RANBP2: variants seen among roughly 807,000 people sequenced by gnomAD.
RANBP2 encodes E3 SUMO-protein ligase RanBP2.
In RANBP2, 57 loss-of-function variants were observed where a neutral mutation model predicts 303.6. The ratio of observed to expected loss-of-function variants is 0.19; its 90% CI spans 0.15 to 0.23. RANBP2 has a LOEUF of 0.23. Ranked by LOEUF, RANBP2 falls within the 10% of genes least tolerant of loss-of-function variation. The pLI, the probability that RANBP2 is intolerant of heterozygous loss-of-function variation, is 1.00. For synonymous variants in RANBP2, 1,167 were observed against 1,301.5 expected (o/e 0.90, Z 2.23); for missense variants, 3,138 against 3,780.8 (o/e 0.83, Z 4.46).
At chr2:109,297,695 C>G in the RANBP2 span, among the ~76,000 whole-genome samples, 1 of 151,450 alleles carries the variant, frequency 6.6e-6, no homozygotes, top group African/African-American at 2.4e-5. Context: ...CCAATGCCCC[C>G]CATTCTGCCC....
chr2:109,165,920 T>G, the RANBP2 span, among the ~76,000 whole-genome samples: 2 of 152,228 alleles, frequency 1.3e-5, no homozygotes, highest in Non-Finnish European at 2.9e-5. Context: ...ACATGGGTGG[T>G]CACTAGTTTT....
At chr2:109,103,950 C>G in the RANBP2 span, among the ~76,000 whole-genome samples, 1 of 151,910 alleles carries the variant, frequency 6.6e-6, no homozygotes, top group East Asian at 1.9e-4. Flanking sequence ...CCCGCCACCA[C>G]ACCCAGCTGA....
At chr2:109,488,815 C>T in the RANBP2 span, among the ~76,000 whole-genome samples, 2 of 152,216 alleles carry the variant, frequency 1.3e-5, no homozygotes, top group East Asian at 1.9e-4. Context: ...ACCTCCAGGG[C>T]CTGGCACGGT....
At chr2:108,809,410 T>A in the RANBP2 span, among the ~76,000 whole-genome samples, 1,893 of 152,068 alleles carry the variant, frequency 0.012, 38 homozygotes, top group African/African-American at 0.044. Context: ...TTGGTTATTT[T>A]GACAGTATTA....
At chr2:109,326,261 C>T in the RANBP2 span, among the ~76,000 whole-genome samples, 2 of 152,162 alleles carry the variant, frequency 1.3e-5, no homozygotes, top group Non-Finnish European at 2.9e-5. Flanking sequence ...ATAGATGTCG[C>T]TCATTTGTTT....
chr2:109,167,189 G>A, the RANBP2 span, among the ~76,000 whole-genome samples: 1,011 of 152,238 alleles, frequency 6.6e-3, 11 homozygotes, highest in African/African-American at 0.023. Flanking sequence ...CCAGAACCAG[G>A]ATAGCCATAT....
At chr2:109,440,957 T>G in the RANBP2 span, among the ~76,000 whole-genome samples, 1 of 152,038 alleles carries the variant, frequency 6.6e-6, no homozygotes, top group African/African-American at 2.4e-5. Context: ...ACGGAAAAAT[T>G]GCAGAAATCA....
At chr2:109,106,954 T>A in the RANBP2 span, among the ~76,000 whole-genome samples, 8 of 148,672 alleles carry the variant, frequency 5.4e-5, no homozygotes, top group South Asian at 1.7e-3. Flanking sequence ...TTTTTTTTTT[T>A]AAAGACAGAG....
At chr2:109,544,372 A>C in the RANBP2 span, 2 of 1,553,840 alleles carry the variant, frequency 1.3e-6, no homozygotes, top group Non-Finnish European at 1.7e-6. Context: ...AAAAAAATTC[A>C]AGTAAAAATT....
chr2:109,020,540 T>C, the RANBP2 span, among the ~76,000 whole-genome samples: 1 of 152,108 alleles, frequency 6.6e-6, no homozygotes, highest in Non-Finnish European at 1.5e-5. Flanking sequence ...CTGCCCCAGA[T>C]GGAAGAGAGA....
the RANBP2 span, among the ~76,000 whole-genome samples, chr2:109,410,650 A>G: frequency 3.3e-5 from 5 of 152,242 alleles, no homozygotes; most frequent in African/African-American, 7.2e-5. Context: ...GAACTGGGCC[A>G]CTGCATGTCA....
chr2:109,300,676 A>G, the RANBP2 span, among the ~76,000 whole-genome samples: 2 of 151,966 alleles, frequency 1.3e-5, no homozygotes, highest in Admixed American at 6.6e-5. Context: ...TCTCCATCCA[A>G]CCACCTTCCT....
chr2:108,731,600 T>A (rs1695174093), intron 4 of RANBP2, 126 bp downstream of exon 4: 1 of 1,549,508 alleles, frequency 6.5e-7, no homozygotes, highest in Admixed American at 2.0e-5. Context: ...AAATTTTCTT[T>A]TAAAAAGTGT....
the RANBP2 span, among the ~76,000 whole-genome samples, chr2:109,699,026 G>A: frequency 7.2e-5 from 11 of 152,136 alleles, no homozygotes; most frequent in African/African-American, 1.9e-4. Flanking sequence ...GGTGTAAGGC[G>A]GCCTTTGTTC....
the RANBP2 span, chr2:108,895,150 C>G: frequency 6.5e-6 from 1 of 152,744 alleles, no homozygotes; most frequent in East Asian, 1.9e-4. Flanking sequence ...CAGCAGCAAA[C>G]AGACACAGTA....
chr2:109,312,963 C>G, the RANBP2 span, among the ~76,000 whole-genome samples: 2 of 152,104 alleles, frequency 1.3e-5, no homozygotes, highest in Non-Finnish European at 2.9e-5. Flanking sequence ...CACAGCAGCC[C>G]TTGGATTTCA....
chr2:109,552,855 A>AT, the RANBP2 span: 3 of 441,762 alleles, frequency 6.8e-6, no homozygotes, highest in Non-Finnish European at 1.2e-5. Flanking sequence ...AAGAATTTCA[A>AT]CGATTAGTGA....
At chr2:108,721,489 T>G (rs1694241439) in intron 1 of RANBP2, among the ~76,000 whole-genome samples, 2 of 152,190 alleles carry the variant, frequency 1.3e-5, no homozygotes, top group Non-Finnish European at 1.5e-5. Context: ...GTCACCCAGC[T>G]GGATGCAGTG....
the RANBP2 span, among the ~76,000 whole-genome samples, chr2:109,712,214 C>G: frequency 6.6e-6 from 1 of 152,262 alleles, no homozygotes; most frequent in African/African-American, 2.4e-5. Context: ...CCGGCTGTGT[C>G]AAGTGACAGG....
Sources: allele counts gnomAD v4.1 joint callset (sites outside exome capture counted in the v4.1 genomes callset), GRCh38; gene constraint gnomAD v4.1.1; transcripts MANE v1.5; gene names NCBI Gene and HGNC (gene_info 2026-07-23, HGNC 2026-07-21).